SCRIB: variants seen among roughly 807,000 people sequenced by gnomAD.
SCRIB encodes protein scribble homolog.
A neutral mutation model predicts 170.0 loss-of-function variants in SCRIB; 72 were observed. The observed-to-expected ratio is 0.42, with a 90% CI of 0.35 to 0.52. The LOEUF is 0.52. Among genes scored for constraint, SCRIB ranks in the 20% least tolerant of loss-of-function variants. The pLI is 0.02. For synonymous variants in SCRIB, 1,298 were observed against 1,044.3 expected (o/e 1.24, Z -4.68); for missense variants, 2,475 against 2,338.5 (o/e 1.06, Z -1.20).
intron 1 of SCRIB, among the ~76,000 whole-genome samples, chr8:143,814,396 C>T (rs1185559678): frequency 2.0e-5 from 3 of 151,642 alleles, no homozygotes; most frequent in Admixed American, 6.6e-5. Flanking sequence ...ATCCCCTACC[C>T]TGTGTCTTAC....
intron 35 of SCRIB, 107 bp from the exon 36 acceptor site, chr8:143,791,547 GGA>G: frequency 1.3e-6 from 2 of 1,573,438 alleles, no homozygotes; most frequent in Non-Finnish European, 8.7e-7. Flanking sequence ...GGCTGAAGGG[GGA>G]GGGGGGGTGA....
In SCRIB at chr8:143,807,013, G is replaced by C. The variant is rs201856360; in HGVS notation, c.2179C>G (p.Leu727Val). Reference protein sequence around the residue: ...IEPARIEEEELTLTILRQTGG... With the variant: ...IEPARIEEEEVTLTILRQTGG... Reference sequence around the variant, plus strand: ...GTCTGCCGCAGGATAGTGAGGGTCAGCTGGAAACAGAACAGACAGGGTGTC... The same window carrying C: ...GTCTGCCGCAGGATAGTGAGGGTCACCTGGAAACAGAACAGACAGGGTGTC... The change falls in exon 17 of 37, where the codon CTG (leucine) becomes GTG (valine). Residue 727 changes from leucine (L) to valine (V), a missense_variant and splice_region_variant. Transcript: ENST00000356994. The C allele has an allele frequency of 1.2e-6, 2 of 1,608,794 alleles. No homozygotes were observed. Among genetic ancestry groups the C allele is most frequent in the African/African-American group, 2.7e-5 (2 of 74,812 alleles).
intron 24 of SCRIB, among the ~76,000 whole-genome samples, chr8:143,801,317 C>A (rs1815163130): frequency 6.6e-6 from 1 of 152,216 alleles, no homozygotes; most frequent in Admixed American, 6.5e-5. Flanking sequence ...TGTCACCACA[C>A]TCCAGCCTAG....
chr8:143,794,155 G>C, intron 27 of SCRIB, 193 bp from the exon 28 acceptor site: 1 of 582,910 alleles, frequency 1.7e-6, no homozygotes, highest in Admixed American at 2.9e-5. Context: ...AGGATGCGGG[G>C]GCCTGGGCTG....
chr8:143,797,041 C>T (rs577159091), intron 24 of SCRIB, among the ~76,000 whole-genome samples: 1 of 152,188 alleles, frequency 6.6e-6, no homozygotes, highest in Non-Finnish European at 1.5e-5. Context: ...CAGACCACAG[C>T]TTCTAAATGT....
At chr8:143,805,922 T>G (rs1471008612) in intron 18 of SCRIB, among the ~76,000 whole-genome samples, 2 of 152,118 alleles carry the variant, frequency 1.3e-5, no homozygotes, top group Non-Finnish European at 2.9e-5. Flanking sequence ...CTGCCCTCAG[T>G]GTGTCCCTAC....
rs138320425 is a variant in SCRIB at position 143,793,957 on chromosome 8, C to A, written c.3852G>T (p.Pro1284=). 1 of 1,613,184 alleles carries A rather than the reference C, an allele frequency of 6.2e-7. No homozygotes were observed. Among genetic ancestry groups the A allele is most frequent in the Non-Finnish European group, 8.5e-7 (1 of 1,179,572 alleles). The change falls in exon 28 of 37, where the codon CCG becomes CCT. Residue 1284 remains proline (P), a synonymous_variant. Coordinates refer to ENST00000356994, the MANE Select transcript of SCRIB (RefSeq NM_182706.5). Reference sequence around the variant, plus strand: ...CCATCTTCCCTCCAGCTGCTCCAGACGGTACCTGGAGGAGTAGGCAGTGGG... The same window carrying A: ...CCATCTTCCCTCCAGCTGCTCCAGAAGGTACCTGGAGGAGTAGGCAGTGGG... The part of the protein sequence containing the change: ...VPSAGSVQRV[P]SGAAGGKMAE...
At chr8:143,815,141 G>A (rs1377684311) in intron 1 of SCRIB, 73 bp downstream of exon 1, 7 of 1,417,860 alleles carry the variant, frequency 4.9e-6, no homozygotes, top group African/African-American at 1.5e-5. Flanking sequence ...GACTCGCCCG[G>A]GCAGATTCTG....
rs1380175774 is a variant in SCRIB at position 143,795,237 on chromosome 8, C to G, written c.3771+40G>C. The G allele has an allele frequency of 6.2e-6, 10 of 1,611,320 alleles. No homozygotes were observed. The African/African-American group carries it at 9.3e-5, about 15-fold the overall frequency. On this transcript the variant is annotated intron_variant, in intron 26 of 36. Coordinates refer to ENST00000356994, the MANE Select transcript of SCRIB (RefSeq NM_182706.5). ...CCCCACAGGCAATGTGCACCCCGCT[C>G]CAGTGCCCTGATGTGAGGGGGTGGG...
chr8:143,793,913 G>C lies in SCRIB; in HGVS notation c.3896C>G (p.Pro1299Arg). The change falls in exon 28 of 37, where the codon CCT (proline) becomes CGT (arginine). Residue 1299 changes from proline to arginine, a missense_variant. Transcript: ENST00000356994. ...TGGGACACTCACCTGCTGGCCACTA[G>C]GGGAGCAGGGAGATTCAGCCATCTT... ...GGKMAESPCS[P>R]SGQQPPSPPS... 5.6e-6 allele frequency: 9 copies of C among 1,613,518 alleles called. No homozygotes were observed. Among genetic ancestry groups the C allele is most frequent in the Non-Finnish European group, 7.6e-6 (9 of 1,179,690 alleles).
chr8:143,812,478 G>GC, intron 8 of SCRIB, 94 bp from the exon 9 acceptor site: 1 of 924,572 alleles, frequency 1.1e-6, no homozygotes, highest in South Asian at 1.3e-5. Flanking sequence ...AGACAGCAAG[G>GC]CCCCCAGCCC....
Position 143,813,529 on chromosome 8 carries a change from G to A in SCRIB, c.447-3C>T, listed in dbSNP as rs760831688. 11 of 1,613,256 alleles carry A rather than the reference G, an allele frequency of 6.8e-6. No homozygotes were observed. The highest frequency in any genetic ancestry group is 1.1e-5 in the South Asian group (1 of 91,086). On this transcript the variant is annotated splice_polypyrimidine_tract_variant and splice_region_variant and intron_variant, in intron 4 of 36. Coordinates refer to ENST00000356994, the MANE Select transcript of SCRIB (RefSeq NM_182706.5). ...CCAGGGTCACCAGGTTGGCGAGGCT[G>A]AAAGAGAGACCAGGCGCTGGGGCAA...
In SCRIB at chr8:143,793,882, T is replaced by C; in HGVS notation, c.3909+18A>G. 1 of 1,612,210 alleles carries C rather than the reference T, an allele frequency of 6.2e-7. No homozygotes were observed. The highest frequency in any genetic ancestry group is 2.2e-5 in the East Asian group (1 of 44,834). On this transcript the variant is annotated intron_variant, in intron 28 of 36. Coordinates refer to ENST00000356994, the MANE Select transcript of SCRIB (RefSeq NM_182706.5). ...CTCCACCCACCATGGGGCACACCCG[T>C]TAACTTGGGACACTCACCTGCTGGC... is the stretch of plus-strand genomic sequence containing the variant.
chr8:143,793,016 G>A lies in SCRIB; in HGVS notation c.3977C>T (p.Ala1326Val), dbSNP rs1814773331. ...NVKQAYRAFA[A>V]VPTSHPPEDA... is the part of the protein sequence containing the mutation. ...CTCAGGCGGGTGAGAAGTGGGCACG[G>A]CCGCGAAGGCCCTGTAGGCCTGCTT... The change falls in exon 29 of 37, where the codon GCC becomes GTC. Residue 1326 changes from alanine (A) to valine (V), a missense_variant. Ala to Val is a moderately conservative substitution (Grantham distance 64). This residue lies in a region of SCRIB where 1,966 missense variants were observed against 1,742.9 expected (regional missense o/e 1.13). Transcript: ENST00000356994. 6.6e-7 allele frequency: 1 copy of A among 1,513,432 alleles called. No individual in the cohort carries two copies. Among genetic ancestry groups the A allele is most frequent in the Non-Finnish European group, 8.9e-7 (1 of 1,128,800 alleles). 93.8% of individuals were successfully genotyped at this position (1,513,432 alleles called of 1,614,324 possible). A position where few individuals can be genotyped will look rare whatever the true frequency, so the allele number is the denominator to read the frequency against.
At chr8:143,814,702 T>C (rs1815964557) in intron 1 of SCRIB, 1 of 161,580 alleles carries the variant, frequency 6.2e-6, no homozygotes, top group Non-Finnish European at 1.3e-5. Flanking sequence ...CTTTTTAATC[T>C]GCTTTCTCCA....
Position 143,812,955 on chromosome 8 carries a change from C to G in SCRIB, c.649G>C (p.Gly217Arg). The G allele has an allele frequency of 6.2e-7, 1 of 1,612,714 alleles. No individual in the cohort carries two copies. The highest frequency in any genetic ancestry group is 8.5e-7 in the Non-Finnish European group (1 of 1,179,872). ...AGGCACACCAGGCGCCGCAGGTTCC[C>G]GAGCTCCTGCAGGTGGGCAGAGAGT... is the stretch of plus-strand genomic sequence containing the variant. Reference protein sequence around the residue: ...NQLSALPPELGNLRRLVCLDV... With the variant: ...NQLSALPPELRNLRRLVCLDV... The change falls in exon 8 of 37, where the codon GGG becomes CGG. Residue 217 changes from glycine (G) to arginine (R), a missense_variant. Around this residue, in one of 3 missense-constraint regions of SCRIB, gnomAD observed 487 missense variants for 558.1 expected, o/e 0.87. Coordinates refer to ENST00000356994, the MANE Select transcript of SCRIB (RefSeq NM_182706.5).
At chr8:143,806,868 G>C (rs1563800834) in intron 17 of SCRIB, 56 bp downstream of exon 17, 1 of 1,238,588 alleles carries the variant, frequency 8.1e-7, no homozygotes, top group South Asian at 1.3e-5. Context: ...CCATCAGTGT[G>C]AACTGTGGTG....
At position 143,806,932 on chromosome 8, in the gene SCRIB, C is replaced by T. The variant is rs1554636731; in HGVS notation, c.2260G>A (p.Asp754Asn). 3 of 1,610,278 alleles carry T rather than the reference C, an allele frequency of 1.9e-6. No homozygotes were observed. Among genetic ancestry groups the T allele is most frequent in the Admixed American group, 1.7e-5 (1 of 59,666 alleles). Residue 754 changes from aspartate (D) to asparagine (N), a missense_variant, in exon 17 of 37, where the codon GAC becomes AAC. Around this residue, in one of 3 missense-constraint regions of SCRIB, gnomAD observed 1,966 missense variants for 1,742.9 expected, o/e 1.13. Transcript: ENST00000356994. ...TCCTAGGCAGTGCTCACCTCGTCGT[C>T]CCCCTTATAGGGTGTGGAGCCCTTG... is the stretch of plus-strand genomic sequence containing the variant. ...GGKGSTPYKG[D>N]DEGIFISRVS...
chr8:143,809,587 A>G lies in SCRIB; in HGVS notation c.1662T>C (p.Ala554=), dbSNP rs778674068. The G allele has an allele frequency of 2.5e-6, 4 of 1,611,546 alleles. No homozygotes were observed. Among genetic ancestry groups the G allele is most frequent in the Non-Finnish European group, 3.4e-6 (4 of 1,179,792 alleles). The change falls in exon 14 of 37, where the codon GCT becomes GCC. Residue 554 remains alanine (A), a synonymous_variant. Transcript: ENST00000356994. ...CCTCTTCGGCGTCTTCCTCCCCGCC[A>G]GCAGTCGTGGCTTCCTGCTGGCTCC... ...QGGSQQEATT[A]GGEEDAEEDY...
Sources: gnomAD v4.1 joint callset for allele counts (sites outside exome capture counted in the v4.1 genomes callset) on GRCh38, gnomAD v4.1.1 for gene constraint, gnomAD v4.1.1 regional missense constraint, MANE v1.5 for transcripts, NCBI Gene and HGNC (gene_info 2026-07-23, HGNC 2026-07-21) for gene names.